Variants in CENPW observed in about 807,000 individuals in gnomAD.
The protein encoded by CENPW is cancer-up-regulated gene 2 protein.
Under a neutral mutation model 11.1 loss-of-function variants are expected in CENPW, and 3 were observed. The ratio of observed to expected loss-of-function variants is 0.27; its 90% confidence interval spans 0.12 to 0.70. The LOEUF (loss-of-function observed/expected upper bound fraction) is 0.70. Ranked by LOEUF, CENPW falls within the 30% of genes least tolerant of loss-of-function variation. The pLI, the probability that CENPW is intolerant of heterozygous loss-of-function variation, is 0.77. For missense variants in CENPW, 100 were observed against 105.6 expected (o/e 0.95, Z 0.23); for synonymous variants, 38 against 42.0 (o/e 0.91, Z 0.37).
Position 126,346,294 on chromosome 6 carries a change from G to T in CENPW, c.216G>T (p.Lys72Asn). Residue 72 changes from lysine (K) to asparagine (N), a missense_variant, in exon 2 of 3, where the codon AAG becomes AAT. Transcript: ENST00000368328. ...ACASKCRVIN[K>N]EHVLAAAKVI... is the part of the protein sequence containing the mutation. ...CGAGTAAATGTAGAGTCATTAACAA[G>T]GAGCATGTACTGGCCGCAGCAAAGG... 6.2e-7 allele frequency: 1 copy of T among 1,606,938 alleles called. No individual in the cohort carries two copies. The highest frequency in any genetic ancestry group is 8.5e-7 in the Non-Finnish European group (1 of 1,174,590).
the CENPW span, among the ~76,000 whole-genome samples, chr6:126,364,172 C>G: frequency 2.0e-5 from 3 of 152,058 alleles, no homozygotes; most frequent in African/African-American, 7.2e-5. Context: ...CTGAATGGTA[C>G]CCCCACAAAA....
chr6:126,379,531 C>A, the CENPW span, among the ~76,000 whole-genome samples: 1 of 152,050 alleles, frequency 6.6e-6, no homozygotes, highest in Non-Finnish European at 1.5e-5. Flanking sequence ...TTTTATTATG[C>A]TGCTAACCCT....
At chr6:126,363,226 T>A in the CENPW span, among the ~76,000 whole-genome samples, 2 of 152,194 alleles carry the variant, frequency 1.3e-5, no homozygotes, top group Admixed American at 6.5e-5. Flanking sequence ...CTTGGCCATC[T>A]AGAATTGGAT....
At chr6:126,481,388 T>G in the CENPW span, among the ~76,000 whole-genome samples, 2 of 152,062 alleles carry the variant, frequency 1.3e-5, no homozygotes, top group Non-Finnish European at 2.9e-5. Context: ...GGGTAATGTA[T>G]AAAGAAAAGA....
chr6:126,378,468 T>G, the CENPW span, among the ~76,000 whole-genome samples: 1 of 150,520 alleles, frequency 6.6e-6, no homozygotes, highest in South Asian at 2.1e-4. Context: ...CCCTTGAGTT[T>G]TTTTTTTTTT....
chr6:126,388,264 A>G, the CENPW span, among the ~76,000 whole-genome samples: 1 of 151,968 alleles, frequency 6.6e-6, no homozygotes, highest in Non-Finnish European at 1.5e-5. Flanking sequence ...AAAATACCAG[A>G]TGCTATTCAT....
chr6:126,391,283 A>G, the CENPW span, among the ~76,000 whole-genome samples: 7 of 151,836 alleles, frequency 4.6e-5, no homozygotes, highest in African/African-American at 1.7e-4. Context: ...GAAAATATGT[A>G]TTCAGATCTT....
the CENPW span, among the ~76,000 whole-genome samples, chr6:126,441,780 C>A: frequency 6.6e-6 from 1 of 151,556 alleles, no homozygotes; most frequent in African/African-American, 2.4e-5. Flanking sequence ...TGAATGCTAT[C>A]ATTTCGTTCC....
chr6:126,415,301 AT>A, the CENPW span, among the ~76,000 whole-genome samples: 1 of 152,130 alleles, frequency 6.6e-6, no homozygotes, highest in Non-Finnish European at 1.5e-5. Flanking sequence ...CACTCACTAG[AT>A]TATAACCTTA....
chr6:126,385,551 T>C, the CENPW span, among the ~76,000 whole-genome samples: 4 of 152,278 alleles, frequency 2.6e-5, no homozygotes, highest in South Asian at 6.2e-4. Flanking sequence ...TTCATTGATA[T>C]AGTTAGGCTT....
At chr6:126,355,225 G>T in the CENPW span, among the ~76,000 whole-genome samples, 1 of 152,000 alleles carries the variant, frequency 6.6e-6, no homozygotes, top group Non-Finnish European at 1.5e-5. Context: ...CCTAAGCAAA[G>T]AATTAGCAAA....
At chr6:126,383,610 A>G in the CENPW span, among the ~76,000 whole-genome samples, 2 of 152,120 alleles carry the variant, frequency 1.3e-5, no homozygotes, top group African/African-American at 4.8e-5. Flanking sequence ...AAAGAAAAAA[A>G]AATCAGGGGT....
the CENPW span, among the ~76,000 whole-genome samples, chr6:126,472,350 C>T: frequency 6.6e-6 from 1 of 152,126 alleles, no homozygotes. Context: ...TACTGATTTG[C>T]CTTCTGTCAC....
chr6:126,433,979 CTAGTG>C, the CENPW span, among the ~76,000 whole-genome samples: 1 of 152,010 alleles, frequency 6.6e-6, no homozygotes, highest in South Asian at 2.1e-4. Flanking sequence ...TTGAAGCTGA[CTAGTG>C]AAGTGACCAT....
the CENPW span, among the ~76,000 whole-genome samples, chr6:126,466,068 T>C: frequency 1.3e-5 from 2 of 152,084 alleles, no homozygotes; most frequent in Non-Finnish European, 2.9e-5. Context: ...AAGATGGCAA[T>C]AGTATTCTGT....
chr6:126,398,378 T>A, the CENPW span, among the ~76,000 whole-genome samples: 1 of 152,170 alleles, frequency 6.6e-6, no homozygotes, highest in African/African-American at 2.4e-5. Context: ...AAATAAAATA[T>A]GCCCTGAATT....
At chr6:126,398,037 T>C in the CENPW span, among the ~76,000 whole-genome samples, 1 of 152,074 alleles carries the variant, frequency 6.6e-6, no homozygotes, top group Admixed American at 6.6e-5. Flanking sequence ...TCCTACACCT[T>C]GTGTGTGTGT....
the CENPW span, among the ~76,000 whole-genome samples, chr6:126,414,377 C>A: frequency 1.3e-5 from 2 of 152,140 alleles, no homozygotes; most frequent in African/African-American, 4.8e-5. Context: ...ACACATGGAA[C>A]ATTCTCCAGA....
At chr6:126,476,272 T>C in the CENPW span, among the ~76,000 whole-genome samples, 3 of 151,996 alleles carry the variant, frequency 2.0e-5, no homozygotes, top group African/African-American at 7.2e-5. Context: ...TTTGTGATGA[T>C]TTTCCTATTT....
Sources: gnomAD v4.1 joint callset for allele counts (sites outside exome capture counted in the v4.1 genomes callset) on GRCh38, gnomAD v4.1.1 for gene constraint, MANE v1.5 for transcripts, NCBI Gene and HGNC (gene_info 2026-07-23, HGNC 2026-07-21) for gene names.